The following METTL15 variants were observed in gnomAD, a reference collection of about 807,000 sequenced individuals.
The protein encoded by METTL15 is methyltransferase 15, mitochondrial 12S rRNA N4-cytidine.
Under a neutral mutation model 38.3 loss-of-function variants are expected in METTL15, and 34 were observed. The ratio of observed to expected loss-of-function variants is 0.89; its 90% CI spans 0.68 to 1.18. The LOEUF (loss-of-function observed/expected upper bound fraction) is 1.18, where lower values mean the gene tolerates loss of function less well. Ranked by LOEUF, METTL15 falls within the 50% of genes most tolerant of loss-of-function variation. The pLI is 0.00. For missense variants in METTL15, 438 were observed against 498.4 expected, an observed-to-expected ratio of 0.88 and a Z score of 1.15; for synonymous variants, 162 against 170.9, an observed-to-expected ratio of 0.95 and a Z score of 0.41.
At chr11:28,186,535 G>T (rs1011977313) in intron 3 of METTL15, among the ~76,000 whole-genome samples, 2 of 150,986 alleles carry the variant, frequency 1.3e-5, no homozygotes, top group Admixed American at 6.6e-5. Flanking sequence ...ATTTCACAAA[G>T]CTTACTTGAC....
intron 3 of METTL15, among the ~76,000 whole-genome samples, chr11:28,191,009 C>A (rs530790293): frequency 6.6e-6 from 1 of 151,358 alleles, no homozygotes; most frequent in South Asian, 2.1e-4. Flanking sequence ...GTTTGCTTGA[C>A]AGCAGGGAGA....
intron 4 of METTL15, among the ~76,000 whole-genome samples, chr11:28,275,402 A>G (rs993661052): frequency 4.6e-5 from 7 of 151,940 alleles, no homozygotes; most frequent in Non-Finnish European, 8.8e-5. Flanking sequence ...GAGATTGAAC[A>G]AGGAAGAAAT....
intron 6 of METTL15, among the ~76,000 whole-genome samples, chr11:28,468,997 G>T (rs1192868892): frequency 6.6e-6 from 1 of 152,038 alleles, no homozygotes; most frequent in East Asian, 1.9e-4. Flanking sequence ...CCTTTCAAAA[G>T]CTCCAGGGCC....
At chr11:28,355,531 G>T (rs1850083543) in intron 4 of METTL15, among the ~76,000 whole-genome samples, 1 of 151,958 alleles carries the variant, frequency 6.6e-6, no homozygotes. Context: ...CCATATCCAT[G>T]TATTTAACCA....
At chr11:28,137,944 T>G (rs1341133640) in intron 3 of METTL15, among the ~76,000 whole-genome samples, 3 of 152,196 alleles carry the variant, frequency 2.0e-5, no homozygotes, top group Non-Finnish European at 4.4e-5. Context: ...ATTCTTCATT[T>G]TCTAATCTCC....
intron 5 of METTL15, among the ~76,000 whole-genome samples, chr11:28,387,688 A>AT (rs1212713949): frequency 5.9e-5 from 9 of 152,168 alleles, no homozygotes; most frequent in Non-Finnish European, 1.2e-4. Context: ...TTTCAAACTC[A>AT]TTTTTTTGAT....
chr11:28,429,130 A>G (rs946882297), intron 6 of METTL15, among the ~76,000 whole-genome samples: 2 of 151,674 alleles, frequency 1.3e-5, no homozygotes, highest in African/African-American at 4.9e-5. Context: ...ATCCTACCCT[A>G]TTTTGTGTAA....
intron 6 of METTL15, among the ~76,000 whole-genome samples, chr11:28,451,401 C>T (rs1176739903): frequency 6.6e-6 from 1 of 151,720 alleles, no homozygotes; most frequent in African/African-American, 2.4e-5. Flanking sequence ...CTGGCTAACA[C>T]GGTGAAACCC....
At chr11:28,334,307 GC>G (rs1480550825), downstream of METTL15, among the ~76,000 whole-genome samples, 4 of 151,964 alleles carry the variant, frequency 2.6e-5, no homozygotes, top group African/African-American at 9.6e-5. Context: ...GACAAACTAA[GC>G]CTTACATATT....
chr11:28,353,427 T>A (rs181383423), intron 4 of METTL15, among the ~76,000 whole-genome samples: 1 of 152,256 alleles, frequency 6.6e-6, no homozygotes, highest in Non-Finnish European at 1.5e-5. Flanking sequence ...AGACCTTGAT[T>A]AATATGTAAA....
intron 6 of METTL15, among the ~76,000 whole-genome samples, chr11:28,508,429 T>TAC (rs1298881549): frequency 6.6e-6 from 1 of 152,244 alleles, no homozygotes; most frequent in Non-Finnish European, 1.5e-5. Flanking sequence ...TTTTAGAATT[T>TAC]ATCAACACCA....
chr11:28,243,555 T>C (rs1337972772), intron 4 of METTL15, among the ~76,000 whole-genome samples: 1 of 152,218 alleles, frequency 6.6e-6, no homozygotes, highest in Non-Finnish European at 1.5e-5. Flanking sequence ...TTTATTTTTC[T>C]TTCTTTGCCA....
chr11:28,351,118 ATT>A lies in METTL15; in HGVS notation c.*190-961_*190-960del, dbSNP rs71050956. Among the ~76,000 whole-genome samples the A allele has an allele frequency of 1.8e-3, 268 of 151,012 alleles. 1 individual carries two copies. Among genetic ancestry groups the A allele is most frequent in the African/African-American group, 5.8e-3 (239 of 41,104 alleles). Reference sequence around the variant, plus strand: ...GCTTAAAGCTATGAATTTAAAAAAAATTTTTTTTTTTTAAGATGGAATCTTGC... The same window carrying A: ...GCTTAAAGCTATGAATTTAAAAAAAATTTTTTTTTTAAGATGGAATCTTGC... On this transcript the variant is annotated intron_variant and NMD_transcript_variant, in intron 3 of 7. Transcript: ENST00000532947.
intron 6 of METTL15, among the ~76,000 whole-genome samples, chr11:28,450,049 A>G (rs1851107273): frequency 6.6e-6 from 1 of 152,250 alleles, no homozygotes. Context: ...GGCAGTAATC[A>G]ATAAAAGAAA....
intron 3 of METTL15, among the ~76,000 whole-genome samples, chr11:28,205,375 C>A (rs1852287287): frequency 6.6e-6 from 1 of 151,022 alleles, no homozygotes; most frequent in Admixed American, 6.7e-5. Flanking sequence ...TTTGTTCTTG[C>A]AATAGTTTAC....
At chr11:28,233,337 A>C (rs929351448) in intron 4 of METTL15, among the ~76,000 whole-genome samples, 3 of 152,144 alleles carry the variant, frequency 2.0e-5, no homozygotes, top group African/African-American at 7.2e-5. Context: ...ATAAGACAGA[A>C]TATGAAAATA....
rs143558894 is a variant in METTL15 at position 28,213,717 on chromosome 11, G to T, written c.407+2519G>T. 8.4e-3 allele frequency among the ~76,000 whole-genome samples: 1,248 copies of T among 148,644 alleles called. 21 individuals are homozygous for T. The highest frequency in any genetic ancestry group is 0.029 in the African/African-American group (1,171 of 40,228). ...TTCACCCAGGCCGGACTGCAGTGGC[G>T]CTATCTCGGCTCACTGCAAGGTCCG... On this transcript the variant is annotated intron_variant, in intron 4 of 6. Transcript: ENST00000407364.
intron 6 of METTL15, among the ~76,000 whole-genome samples, chr11:28,436,858 T>C (rs1850986404): frequency 6.6e-6 from 1 of 152,100 alleles, no homozygotes; most frequent in Non-Finnish European, 1.5e-5. Flanking sequence ...TATGGGGATG[T>C]TGTGAAAGGA....
intron 6 of METTL15, among the ~76,000 whole-genome samples, chr11:28,314,333 C>T (rs1373821852): frequency 2.0e-5 from 3 of 152,138 alleles, no homozygotes; most frequent in African/African-American, 7.2e-5. Flanking sequence ...GCAACTTTAT[C>T]TTCGAGTGCA....
Sources: gnomAD v4.1 joint callset for allele counts (sites outside exome capture counted in the v4.1 genomes callset) on GRCh38, gnomAD v4.1.1 for gene constraint, MANE v1.5 for transcripts, NCBI Gene and HGNC (gene_info 2026-07-23, HGNC 2026-07-21) for gene names.